Variants in PIBF1 observed in about 807,000 individuals in gnomAD.
PIBF1 encodes progesterone immunomodulatory binding factor 1, also known as progesterone-induced-blocking factor 1.
PIBF1 carries 90 observed loss-of-function variants against 112.5 expected under a neutral mutation model. That is an observed-to-expected ratio of 0.80 (90% confidence interval 0.67 to 0.95). The LOEUF is 0.95. Ranked by LOEUF, PIBF1 falls within the 40% of genes least tolerant of loss-of-function variation. PIBF1 has a pLI of 0.00. For missense variants in PIBF1, 915 were observed against 852.3 expected, an observed-to-expected ratio of 1.07 and a Z score of -0.92; for synonymous variants, 301 against 288.6, an observed-to-expected ratio of 1.04 and a Z score of -0.44.
At chr13:72,790,916 T>C (rs1299589378) in intron 2 of PIBF1, among the ~76,000 whole-genome samples, 1 of 152,096 alleles carries the variant, frequency 6.6e-6, no homozygotes, top group Non-Finnish European at 1.5e-5. Context: ...GCAAAGAGAA[T>C]GATGTGATCA....
At chr13:72,867,744 G>A (rs1410837033) in intron 10 of PIBF1, among the ~76,000 whole-genome samples, 1 of 152,136 alleles carries the variant, frequency 6.6e-6, no homozygotes, top group Non-Finnish European at 1.5e-5. Flanking sequence ...AAAACTCCAA[G>A]GTAGTGTGTT....
At chr13:72,966,649 C>T (rs1271603086) in intron 15 of PIBF1, among the ~76,000 whole-genome samples, 2 of 152,022 alleles carry the variant, frequency 1.3e-5, no homozygotes, top group African/African-American at 4.8e-5. Context: ...TGGCTCACAC[C>T]TGTAATCCCA....
rs771878197 is a variant in PIBF1, at chr13:72,971,185, A to AGTGTGTGTGTGT, written c.1965-2397_1965-2386dup. Among the ~76,000 whole-genome samples, 212 of 120,096 alleles carry AGTGTGTGTGTGT rather than the reference A, an allele frequency of 1.8e-3. 2 individuals are homozygous for AGTGTGTGTGTGT. Among genetic ancestry groups the AGTGTGTGTGTGT allele is most frequent in the African/African-American group, 6.9e-3 (202 of 29,430 alleles). 78.8% of individuals were successfully genotyped at this position (120,096 alleles called of 152,430 possible). A position where few individuals can be genotyped will look rare whatever the true frequency, so the allele number is the denominator to read the frequency against. ...CAGTTGGTATTTGAAACAGAGAGTG[A>AGTGTGTGTGTGT]GTGTGTGTGTGTGTGTGTGTATGTG... On this transcript the variant is annotated intron_variant, in intron 15 of 17. Coordinates refer to ENST00000326291, the MANE Select transcript of PIBF1 (RefSeq NM_006346.4).
At chr13:72,925,219 A>G (rs1170263763) in intron 13 of PIBF1, among the ~76,000 whole-genome samples, 1 of 152,234 alleles carries the variant, frequency 6.6e-6, no homozygotes, top group Non-Finnish European at 1.5e-5. Context: ...TCTGACAAAC[A>G]TGAAACAATG....
chr13:72,992,205 A>G (rs1293791426), intron 16 of PIBF1, among the ~76,000 whole-genome samples: 1 of 152,194 alleles, frequency 6.6e-6, no homozygotes, highest in Non-Finnish European at 1.5e-5. Context: ...TCAATCGATC[A>G]ATCAATGTCT....
rs903579187 is a variant in PIBF1 at position 72,784,195 on chromosome 13, G to A, written c.252+474G>A. Among the ~76,000 whole-genome samples, 7 of 148,542 alleles carry A rather than the reference G, an allele frequency of 4.7e-5. 1 individual carries two copies. In the South Asian group the frequency reaches 1.5e-3, roughly 31 times the overall value. The stretch of plus-strand genomic sequence containing the variant: ...ATGTTGTACATGACATATACACACA[G>A]TTTTATCTGTCAGTTGGGATCACCT... On this transcript the variant is annotated intron_variant, in intron 2 of 17. Transcript: ENST00000326291.
At chr13:72,895,722 G>C (rs1310880876) in intron 11 of PIBF1, among the ~76,000 whole-genome samples, 1 of 85,902 alleles carries the variant, frequency 1.2e-5, no homozygotes, top group African/African-American at 3.4e-5. Flanking sequence ...AGCCTTAGAA[G>C]GTTGATCCAG....
chr13:72,998,709 T>TA (rs2043760241), intron 16 of PIBF1, 113 bp from the exon 17 acceptor site: 1 of 665,908 alleles, frequency 1.5e-6, no homozygotes, highest in African/African-American at 1.8e-5. Context: ...TTTCACAACT[T>TA]ATGTGTGTAG....
At chr13:72,894,005 C>T in intron 11 of PIBF1, 56 bp downstream of exon 11, 1 of 745,952 alleles carries the variant, frequency 1.3e-6, no homozygotes, top group Non-Finnish European at 1.8e-6. Context: ...TCCCTAAGTA[C>T]AAGATTTATA....
At chr13:72,965,628 C>T (rs1387385784) in intron 15 of PIBF1, among the ~76,000 whole-genome samples, 3 of 152,172 alleles carry the variant, frequency 2.0e-5, no homozygotes, top group African/African-American at 7.2e-5. Flanking sequence ...AACAATGTTA[C>T]ACTTATGAGC....
intron 10 of PIBF1, among the ~76,000 whole-genome samples, chr13:72,868,796 C>A (rs1426005253): frequency 7.8e-6 from 1 of 127,504 alleles, no homozygotes; most frequent in Non-Finnish European, 1.6e-5. Flanking sequence ...CCAGGCTGGG[C>A]AACATAGTGA....
chr13:72,858,023 T>TTGCTTTG (rs71099760), intron 10 of PIBF1, among the ~76,000 whole-genome samples: 91 of 141,308 alleles, frequency 6.4e-4, no homozygotes, highest in African/African-American at 2.2e-3. Context: ...CAAATGTACA[T>TTGCTTTG]TGTGTGTGTG....
chr13:72,795,629 A>G lies in PIBF1; in HGVS notation c.552+72A>G. The stretch of plus-strand genomic sequence containing the variant: ...TAAAATTTACCATTTATATAGTAGC[A>G]ATTACTTTTGAAGTACCCAATTGAT... On this transcript the variant is annotated intron_variant, in intron 4 of 17. Coordinates refer to ENST00000326291, the MANE Select transcript of PIBF1 (RefSeq NM_006346.4). 5 of 949,852 alleles carry G rather than the reference A, an allele frequency of 5.3e-6. No individual in the cohort carries two copies. In the Admixed American group the frequency reaches 1.3e-4, roughly 24 times the overall value. The allele number at this position is 949,852 out of a possible 1,614,324, so 58.8% of individuals were successfully genotyped here.
chr13:72,826,150 TAAAA>T (rs1307800693), intron 6 of PIBF1, among the ~76,000 whole-genome samples: 1 of 151,860 alleles, frequency 6.6e-6, no homozygotes, highest in Non-Finnish European at 1.5e-5. Flanking sequence ...ATTCTAAAAA[TAAAA>T]AAGCACAAAA....
chr13:72,912,148 A>C (rs1224411373), intron 12 of PIBF1, among the ~76,000 whole-genome samples: 3 of 152,200 alleles, frequency 2.0e-5, no homozygotes, highest in Non-Finnish European at 4.4e-5. Context: ...GCCTTCACAC[A>C]GAACCAGCCC....
At chr13:73,015,510 GTGAA>G (rs1273648536) in intron 17 of PIBF1, among the ~76,000 whole-genome samples, 1 of 151,968 alleles carries the variant, frequency 6.6e-6, no homozygotes, top group Non-Finnish European at 1.5e-5. Flanking sequence ...TATCTATTGA[GTGAA>G]TGAATATCTA....
intron 10 of PIBF1, among the ~76,000 whole-genome samples, chr13:72,867,735 A>G (rs2038986325): frequency 6.6e-6 from 1 of 152,224 alleles, no homozygotes; most frequent in Non-Finnish European, 1.5e-5. Flanking sequence ...GTGCTTTTTA[A>G]AACTCCAAGG....
chr13:72,824,413 A>C (rs1474850378), intron 6 of PIBF1, among the ~76,000 whole-genome samples: 1 of 152,164 alleles, frequency 6.6e-6, no homozygotes, highest in Non-Finnish European at 1.5e-5. Context: ...CACAATAAAT[A>C]TTGGCAATAA....
At chr13:72,808,424 GT>G (rs1310377169) in intron 5 of PIBF1, among the ~76,000 whole-genome samples, 2 of 152,108 alleles carry the variant, frequency 1.3e-5, no homozygotes, top group African/African-American at 4.8e-5. Flanking sequence ...ACTTAAAATT[GT>G]TTAGACCATC....
Sources: gnomAD v4.1 joint callset for allele counts (sites outside exome capture counted in the v4.1 genomes callset) on GRCh38, gnomAD v4.1.1 for gene constraint, MANE v1.5 for transcripts, NCBI Gene and HGNC (gene_info 2026-07-23, HGNC 2026-07-21) for gene names.